PCDHA8: variants seen among roughly 807,000 people sequenced by gnomAD.
PCDHA8 encodes the protein protocadherin alpha-8.
In PCDHA8, 53 loss-of-function variants were observed where a neutral mutation model predicts 61.8. That is an observed-to-expected ratio of 0.86 (90% confidence interval 0.69 to 1.08). PCDHA8 has a LOEUF of 1.08. Among genes scored for constraint, PCDHA8 ranks in the 50% least tolerant of loss-of-function variants. The probability of loss-of-function intolerance (pLI) is 0.00; values close to 1 mark genes in which losing one functional copy is unlikely to be tolerated. For missense variants in PCDHA8, 1,293 were observed against 1,245.0 expected (o/e 1.04, Z -0.58); for synonymous variants, 618 against 556.6 (o/e 1.11, Z -1.55).
At chr5:140,947,767 C>A (rs1585277827) in intron 1 of PCDHA8, among the ~76,000 whole-genome samples, 1 of 151,486 alleles carries the variant, frequency 6.6e-6, no homozygotes, top group East Asian at 1.9e-4. Context: ...TTAAAAAATT[C>A]TATTGTAAAT....
chr5:140,857,165 G>A (rs1554149609), intron 1 of PCDHA8: 2 of 1,598,302 alleles, frequency 1.3e-6, no homozygotes, highest in African/African-American at 2.7e-5. Flanking sequence ...CCTAATCAGC[G>A]TTTCTGACCA....
At chr5:140,992,251 A>G (rs1554252780) in intron 3 of PCDHA8, among the ~76,000 whole-genome samples, 1 of 152,198 alleles carries the variant, frequency 6.6e-6, no homozygotes, top group Non-Finnish European at 1.5e-5. Flanking sequence ...AAGTAGAGCT[A>G]AAGATGAAAG....
rs1419215366 is a variant in PCDHA8, at chr5:141,010,888, T to G, written c.*951T>G. 2 of 153,748 alleles carry G rather than the reference T, an allele frequency of 1.3e-5. No homozygotes were observed. The highest frequency in any genetic ancestry group is 2.9e-5 in the Non-Finnish European group (2 of 68,032). The allele number at this position is 153,748 out of a possible 1,614,324, so 9.5% of individuals were successfully genotyped here. On this transcript the variant is annotated 3_prime_UTR_variant, in exon 4 of 4. Coordinates refer to ENST00000531613, the MANE Select transcript of PCDHA8 (RefSeq NM_018911.3). Reference sequence around the variant, plus strand: ...AGCTATAAATCTTTAAAGAGAAATATGAATACAATTCCCCTAAACTCTCCT... The same window carrying G: ...AGCTATAAATCTTTAAAGAGAAATAGGAATACAATTCCCCTAAACTCTCCT...
chr5:140,846,555 T>C (rs1780556402), intron 1 of PCDHA8, among the ~76,000 whole-genome samples: 1 of 148,312 alleles, frequency 6.7e-6, no homozygotes, highest in Non-Finnish European at 1.5e-5. Flanking sequence ...TTTGTATTTT[T>C]AGTAGAGTCG....
At chr5:140,883,313 G>A (rs1469839417) in intron 1 of PCDHA8, 2 of 1,614,000 alleles carry the variant, frequency 1.2e-6, no homozygotes, top group African/African-American at 2.7e-5. Flanking sequence ...TAACGCCCCA[G>A]AGGTTACCAT....
chr5:141,009,809 G>T lies in PCDHA8; in HGVS notation c.2725G>T (p.Asp909Tyr), dbSNP rs782057926. The T allele has an allele frequency of 6.2e-7, 1 of 1,613,834 alleles. No homozygotes were observed. Among genetic ancestry groups the T allele is most frequent in the Non-Finnish European group, 8.5e-7 (1 of 1,180,010 alleles). ...GCAGGAGCCTACTAACAGCCAAATT[G>T]ACAAAAGTGACTTCATAACCTTCGG... ...IRQEPTNSQI[D>Y]KSDFITFGKK... The change falls in exon 4 of 4, where the codon GAC becomes TAC. Residue 909 changes from aspartate to tyrosine, a missense_variant. Physicochemically the swap from Asp to Tyr is radical, Grantham distance 160 (BLOSUM62 -3). Coordinates refer to ENST00000531613, the MANE Select transcript of PCDHA8 (RefSeq NM_018911.3).
At chr5:140,938,937 C>T (rs1302555937) in intron 1 of PCDHA8, among the ~76,000 whole-genome samples, 4 of 152,070 alleles carry the variant, frequency 2.6e-5, no homozygotes, top group African/African-American at 9.7e-5. Context: ...TTTAACTTTC[C>T]ATTCTTATAA....
Position 140,884,327 on chromosome 5 carries a change from G to T in PCDHA8, c.2394+40612G>T, listed in dbSNP as rs1400364790. The T allele has an allele frequency of 5.6e-6, 9 of 1,613,894 alleles. No individual in the cohort carries two copies. In the African/African-American group the frequency reaches 9.3e-5, roughly 17 times the overall value. Reference sequence around the variant, plus strand: ...TTCGTCGAGGGCGTCGGCAGGCGCTGTGGGTCCAGAAGCGGCGCTGGTGGA... The same window carrying T: ...TTCGTCGAGGGCGTCGGCAGGCGCTTTGGGTCCAGAAGCGGCGCTGGTGGA... On this transcript the variant is annotated intron_variant, in intron 1 of 3. Coordinates refer to ENST00000531613, the MANE Select transcript of PCDHA8 (RefSeq NM_018911.3).
chr5:140,949,685 G>A (rs1044878374), intron 1 of PCDHA8, among the ~76,000 whole-genome samples: 4 of 151,794 alleles, frequency 2.6e-5, no homozygotes, highest in East Asian at 1.9e-4. Flanking sequence ...TTGTTGAAGC[G>A]TATTGTTGGA....
chr5:140,882,054 C>T, intron 1 of PCDHA8: 1 of 781,668 alleles, frequency 1.3e-6, no homozygotes. Context: ...CATACTTACA[C>T]TTACACGTTC....
At chr5:140,963,168 T>G (rs1554226465) in intron 1 of PCDHA8, among the ~76,000 whole-genome samples, 1 of 152,160 alleles carries the variant, frequency 6.6e-6, no homozygotes, top group East Asian at 1.9e-4. Flanking sequence ...ACATGCCATC[T>G]TACAGATATG....
Position 140,882,398 on chromosome 5 carries a change from T to C in PCDHA8, c.2394+38683T>C, listed in dbSNP as rs782596260. The C allele has an allele frequency of 5.6e-6, 9 of 1,614,040 alleles. No individual in the cohort carries two copies. In the African/African-American group the frequency reaches 9.3e-5, roughly 17 times the overall value. On this transcript the variant is annotated intron_variant, in intron 1 of 3. Coordinates refer to ENST00000531613, the MANE Select transcript of PCDHA8 (RefSeq NM_018911.3). ...CCCCGAGGAAGCAAAACACGGCACCTTCGTGGGCCGCATCGCTCAGGACCT... is the reference window on the plus strand; with the variant it reads ...CCCCGAGGAAGCAAAACACGGCACCCTCGTGGGCCGCATCGCTCAGGACCT...
Position 141,009,628 on chromosome 5 carries a change from A to G in PCDHA8, c.2544A>G (p.Glu848=), listed in dbSNP as rs1441195912. The G allele has an allele frequency of 1.2e-6, 2 of 1,613,000 alleles. No individual in the cohort carries two copies. The highest frequency in any genetic ancestry group is 2.2e-5 in the East Asian group (1 of 44,852). Residue 848 remains glutamate, a splice_region_variant and synonymous_variant, in exon 4 of 4, where the codon GAA becomes GAG. Coordinates refer to ENST00000531613, the MANE Select transcript of PCDHA8 (RefSeq NM_018911.3). ...GATTTGTAATGTTTTGTCTTTCAGA[A>G]CCAGAGGCAGGAGAAGTGTCCCCTC... is the stretch of plus-strand genomic sequence containing the variant. ...QWPTVSSATP[E]PEAGEVSPPV...
intron 1 of PCDHA8, among the ~76,000 whole-genome samples, chr5:140,894,352 G>A (rs2064438357): frequency 6.6e-6 from 1 of 151,796 alleles, no homozygotes; most frequent in Admixed American, 6.6e-5. Context: ...TATTACTTCA[G>A]ATTTCTTCTT....
At chr5:140,914,654 T>C (rs2076794688) in intron 1 of PCDHA8, among the ~76,000 whole-genome samples, 1 of 152,202 alleles carries the variant, frequency 6.6e-6, no homozygotes, top group Non-Finnish European at 1.5e-5. Flanking sequence ...CTCTCCCTTC[T>C]TTCCATCTTC....
intron 1 of PCDHA8, among the ~76,000 whole-genome samples, chr5:140,886,844 A>AAAAG (rs1232979230): frequency 8.6e-5 from 13 of 150,634 alleles, no homozygotes; most frequent in African/African-American, 1.2e-4. Flanking sequence ...AAAAAAAAAA[A>AAAAG]AAAGAAAGGT....
At chr5:140,849,620 C>T in intron 1 of PCDHA8, 2 of 1,598,618 alleles carry the variant, frequency 1.3e-6, no homozygotes, top group Non-Finnish European at 1.7e-6. Flanking sequence ...TTAGTGTGAT[C>T]GACCTAGACG....
intron 3 of PCDHA8, among the ~76,000 whole-genome samples, chr5:141,003,290 G>A (rs1302166316): frequency 1.3e-5 from 2 of 152,176 alleles, no homozygotes; most frequent in Non-Finnish European, 2.9e-5. Flanking sequence ...TTGGATTATA[G>A]GATTACATGA....
At chr5:140,925,189 C>A (rs1488098385) in intron 1 of PCDHA8, among the ~76,000 whole-genome samples, 2 of 152,116 alleles carry the variant, frequency 1.3e-5, no homozygotes, top group African/African-American at 4.8e-5. Flanking sequence ...TACCATCACC[C>A]AGCTTCAATA....
Sources: allele counts gnomAD v4.1 joint callset (sites outside exome capture counted in the v4.1 genomes callset), GRCh38; gene constraint gnomAD v4.1.1; transcripts MANE v1.5; gene names NCBI Gene and HGNC (gene_info 2026-07-23, HGNC 2026-07-21).